The following ZNF721 variants were observed in gnomAD, a reference collection of about 807,000 sequenced individuals.
ZNF721 encodes zinc finger protein 721.
Under a neutral mutation model 2.4 loss-of-function variants are expected in ZNF721, and 2 were observed. That is an observed-to-expected ratio of 0.82 (90% CI 0.34 to 2.58). The LOEUF (loss-of-function observed/expected upper bound fraction) is 2.58, where lower values mean the gene tolerates loss of function less well. ZNF721 is among the 30% of genes most tolerant of loss of function. The pLI, the probability that ZNF721 is intolerant of heterozygous loss-of-function variation, is 0.11. For synonymous variants in ZNF721, 398 were observed against 381.8 expected (o/e 1.04, Z -0.50); for missense variants, 1,187 against 1,085.5 (o/e 1.09, Z -1.31).
chr4:463,947 AAC>A (rs1338097327), intron 2 of ZNF721, among the ~76,000 whole-genome samples: 11 of 152,220 alleles, frequency 7.2e-5, no homozygotes, highest in African/African-American at 2.2e-4. Flanking sequence ...AAAAATGGCT[AAC>A]AGAGAATTCA....
chr4:442,591 T>G lies in ZNF721; in HGVS notation c.1876A>C (p.Thr626Pro). 1 of 1,613,830 alleles carries G rather than the reference T, an allele frequency of 6.2e-7. No homozygotes were observed. Among genetic ancestry groups the G allele is most frequent in the South Asian group, 1.1e-5 (1 of 91,050 alleles). ...ATTTTCTTCTGTTGATTCAGGTCCG[T>G]GTACCATACAAAGTCTTTGCCACAC... Reference protein sequence around the residue: ...EECGKDFVWYTDLNQQKKIYT... With the variant: ...EECGKDFVWYPDLNQQKKIYT... The change falls in exon 3 of 3, where the codon ACG (threonine) becomes CCG (proline). Residue 626 changes from threonine (T) to proline (P), a missense_variant. Transcript: ENST00000511833.
chr4:467,650 T>C (rs372127057), intron 2 of ZNF721, among the ~76,000 whole-genome samples: 24 of 152,206 alleles, frequency 1.6e-4, no homozygotes, highest in East Asian at 1.5e-3. Context: ...ATCTCAGCTG[T>C]AGTCCAGAAA....
At chr4:484,638 A>G (rs1415514072) in intron 1 of ZNF721, among the ~76,000 whole-genome samples, 1 of 152,222 alleles carries the variant, frequency 6.6e-6, no homozygotes, top group East Asian at 1.9e-4. Flanking sequence ...CCAGTCTCCC[A>G]TAGTGCTCCC....
chr4:498,256 T>G (rs1424481435), intron 1 of ZNF721, among the ~76,000 whole-genome samples: 3 of 148,714 alleles, frequency 2.0e-5, no homozygotes, highest in Non-Finnish European at 4.4e-5. Context: ...ACATTGGTTC[T>G]GTCCAGAAAG....
intron 2 of ZNF721, 95 bp from the exon 3 acceptor site, chr4:444,527 T>C: frequency 8.1e-7 from 1 of 1,234,368 alleles, no homozygotes; most frequent in East Asian, 2.5e-5. Flanking sequence ...GCTAGTAAGA[T>C]CACATAACAA....
intron 1 of ZNF721, among the ~76,000 whole-genome samples, chr4:491,504 G>C (rs145121140): frequency 6.6e-6 from 1 of 152,218 alleles, no homozygotes; most frequent in African/African-American, 2.4e-5. Flanking sequence ...AGGACAGCTC[G>C]GCTCTGCTAA....
At chr4:493,464 C>T (rs1267437685) in intron 1 of ZNF721, among the ~76,000 whole-genome samples, 5 of 152,252 alleles carry the variant, frequency 3.3e-5, no homozygotes, top group East Asian at 3.9e-4. Context: ...GGGTCACCTA[C>T]GGTCAGGAGT....
chr4:472,123 C>A (rs1715455604), intron 2 of ZNF721, among the ~76,000 whole-genome samples: 1 of 152,178 alleles, frequency 6.6e-6, no homozygotes, highest in South Asian at 2.1e-4. Context: ...AGTTCAATGG[C>A]GCAATCTCGG....
chr4:468,474 C>A (rs1715328024), intron 2 of ZNF721, among the ~76,000 whole-genome samples: 1 of 151,986 alleles, frequency 6.6e-6, no homozygotes. Context: ...TCAGTAAAAG[C>A]TAAACCCATT....
At position 443,382 on chromosome 4, in the gene ZNF721, T is replaced by C; in HGVS notation, c.1085A>G (p.Lys362Arg). 1 of 1,613,956 alleles carries C rather than the reference T, an allele frequency of 6.2e-7. No homozygotes were observed. The highest frequency in any genetic ancestry group is 1.6e-4 in the Middle Eastern group (1 of 6,062). Reference sequence around the variant, plus strand: ...AAAGGCTTTGCCACAGTCTTCGCATTTGTAAGGTTTCTCTCCAGTATGAAT... The same window carrying C: ...AAAGGCTTTGCCACAGTCTTCGCATCTGTAAGGTTTCTCTCCAGTATGAAT... ...RRIHTGEKPY[K>R]CEDCGKAFGR... The change falls in exon 3 of 3, where the codon AAA becomes AGA. Residue 362 changes from lysine (K) to arginine (R), a missense_variant. Transcript: ENST00000511833.
At chr4:448,176 G>A (rs1307580095) in intron 2 of ZNF721, among the ~76,000 whole-genome samples, 1 of 152,060 alleles carries the variant, frequency 6.6e-6, no homozygotes, top group African/African-American at 2.4e-5. Context: ...AGTCTTAACA[G>A]AAGTTTTTAA....
At chr4:485,493 A>G (rs1715870314) in intron 1 of ZNF721, among the ~76,000 whole-genome samples, 1 of 152,012 alleles carries the variant, frequency 6.6e-6, no homozygotes, top group East Asian at 1.9e-4. Context: ...GCCACAACTC[A>G]ACAGTGGTGA....
intron 1 of ZNF721, among the ~76,000 whole-genome samples, chr4:496,152 G>GT (rs1459401200): frequency 3.9e-5 from 5 of 129,204 alleles, no homozygotes; most frequent in African/African-American, 1.6e-4. Flanking sequence ...TTTTTTGTGT[G>GT]TGGGGGGTAG....
chr4:450,949 AAAAAAAAATATATATATAT>A (rs1408559197), intron 2 of ZNF721, among the ~76,000 whole-genome samples: 2,886 of 46,896 alleles, frequency 0.062, 153 homozygotes, highest in African/African-American at 0.1. Flanking sequence ...AAAAAAAAAA[AAAAAAAAATATATATATAT>A]ATATATATAT....
chr4:442,989 CTCT>C lies in ZNF721; in HGVS notation c.1475_1477del (p.Lys492del). On this transcript the variant is annotated inframe_deletion, in exon 3 of 3. Coordinates refer to ENST00000511833, the MANE Select transcript of ZNF721 (RefSeq NM_133474.4). ...AAAGGGTTTCTCGCCAGTATGAATC[CTCT>C]TATGTTTAGCAAAGCTTGAGGATGA... The C allele has an allele frequency of 6.2e-7, 1 of 1,613,660 alleles. No individual in the cohort carries two copies. The highest frequency in any genetic ancestry group is 8.5e-7 in the Non-Finnish European group (1 of 1,179,752).
At chr4:458,902 A>C (rs1372226681) in intron 2 of ZNF721, among the ~76,000 whole-genome samples, 1 of 152,162 alleles carries the variant, frequency 6.6e-6, no homozygotes, top group African/African-American at 2.4e-5. Context: ...GGGCAGCCAG[A>C]GAGAAAGGTC....
chr4:446,260 TAAAGTTAA>T (rs1714469687), intron 2 of ZNF721, among the ~76,000 whole-genome samples: 1 of 152,218 alleles, frequency 6.6e-6, no homozygotes, highest in African/African-American at 2.4e-5. Flanking sequence ...TCTAAAATTT[TAAAGTTAA>T]AAGCATAAAA....
At chr4:461,145 A>T (rs1715056771) in intron 2 of ZNF721, among the ~76,000 whole-genome samples, 1 of 152,182 alleles carries the variant, frequency 6.6e-6, no homozygotes, top group Non-Finnish European at 1.5e-5. Context: ...GAGACACAAC[A>T]AAAGAAAAAA....
At chr4:475,859 C>T (rs1200929638) in intron 1 of ZNF721, among the ~76,000 whole-genome samples, 1 of 152,044 alleles carries the variant, frequency 6.6e-6, no homozygotes, top group Admixed American at 6.6e-5. Flanking sequence ...CCCACCCCCA[C>T]CGTTTTAAGC....
Sources: allele counts gnomAD v4.1 joint callset (sites outside exome capture counted in the v4.1 genomes callset), GRCh38; gene constraint gnomAD v4.1.1; transcripts MANE v1.5; gene names NCBI Gene and HGNC (gene_info 2026-07-23, HGNC 2026-07-21).